Variants in HSDL2 observed in about 807,000 individuals in gnomAD.
HSDL2 encodes the protein hydroxysteroid dehydrogenase-like protein 2.
In HSDL2, 27 loss-of-function variants were observed where a neutral mutation model predicts 46.3. That is an observed-to-expected ratio of 0.58 (90% CI 0.43 to 0.80). The LOEUF is 0.80. Among genes scored for constraint, HSDL2 ranks in the 30% least tolerant of loss-of-function variants. HSDL2 has a pLI of 0.00. For synonymous variants in HSDL2, 153 were observed against 163.6 expected, an observed-to-expected ratio of 0.94 and a Z score of 0.50; for missense variants, 451 against 502.7, an observed-to-expected ratio of 0.90 and a Z score of 0.98.
intron 8 of HSDL2, among the ~76,000 whole-genome samples, chr9:112,447,530 C>G (rs1288043179): frequency 2.0e-5 from 3 of 152,190 alleles, no homozygotes; most frequent in Non-Finnish European, 4.4e-5. Context: ...ATGTGACAGA[C>G]TCAGTTCTCT....
chr9:112,435,188 T>C (rs1832496347), intron 6 of HSDL2, among the ~76,000 whole-genome samples: 4 of 152,054 alleles, frequency 2.6e-5, no homozygotes, highest in Admixed American at 2.6e-4. Context: ...ATTGTTAAAG[T>C]AATGATAGGT....
At chr9:112,436,203 C>A (rs1167801471) in intron 6 of HSDL2, among the ~76,000 whole-genome samples, 1 of 139,964 alleles carries the variant, frequency 7.1e-6, no homozygotes, top group Non-Finnish European at 1.5e-5. Context: ...ATGATCTCAC[C>A]ACTGCCTTTG....
intron 10 of HSDL2, among the ~76,000 whole-genome samples, chr9:112,464,184 T>C (rs991535864): frequency 6.6e-6 from 1 of 151,556 alleles, no homozygotes; most frequent in Non-Finnish European, 1.5e-5. Flanking sequence ...CTGAATAACA[T>C]AGTGAGACCC....
intron 6 of HSDL2, among the ~76,000 whole-genome samples, chr9:112,429,124 C>T (rs1456969591): frequency 6.6e-6 from 1 of 152,166 alleles, no homozygotes; most frequent in East Asian, 1.9e-4. Context: ...ATCTTGAACT[C>T]CTGACCTTAG....
At chr9:112,388,231 G>A (rs1385517399) in intron 1 of HSDL2, among the ~76,000 whole-genome samples, 1 of 151,894 alleles carries the variant, frequency 6.6e-6, no homozygotes, top group Non-Finnish European at 1.5e-5. Flanking sequence ...GGGAGGCCGA[G>A]GCGGGCAGAT....
intron 8 of HSDL2, among the ~76,000 whole-genome samples, chr9:112,451,887 C>T (rs1234302040): frequency 3.3e-5 from 5 of 152,096 alleles, no homozygotes; most frequent in Non-Finnish European, 7.4e-5. Context: ...GTGGAGTGGG[C>T]TTCTGGGATA....
chr9:112,381,023 C>T (rs1252945880), intron 1 of HSDL2, among the ~76,000 whole-genome samples: 1 of 151,634 alleles, frequency 6.6e-6, no homozygotes, highest in East Asian at 1.9e-4. Flanking sequence ...TCCCTAAAAT[C>T]TAGTTCCCCA....
At chr9:112,382,941 CTTTT>C (rs56082014) in intron 1 of HSDL2, among the ~76,000 whole-genome samples, 2 of 138,246 alleles carry the variant, frequency 1.4e-5, no homozygotes, top group Non-Finnish European at 1.6e-5. Flanking sequence ...AAACCAAGAT[CTTTT>C]TTTTTTTTTT....
chr9:112,413,965 C>CT (rs1212456702), intron 4 of HSDL2: 5 of 221,566 alleles, frequency 2.3e-5, no homozygotes, highest in South Asian at 1.1e-4. Flanking sequence ...CAACTTAGAA[C>CT]TTTTTTTAAA....
At chr9:112,450,066 G>A (rs1832846036) in intron 8 of HSDL2, among the ~76,000 whole-genome samples, 1 of 151,908 alleles carries the variant, frequency 6.6e-6, no homozygotes, top group Admixed American at 6.6e-5. Context: ...CATAGCTTTG[G>A]CTACATCCAA....
At chr9:112,397,784 G>A (rs1484026750) in intron 1 of HSDL2, among the ~76,000 whole-genome samples, 1 of 152,158 alleles carries the variant, frequency 6.6e-6, no homozygotes, top group Non-Finnish European at 1.5e-5. Context: ...GAAGCAAAAT[G>A]ACCTCAGTAC....
chr9:112,398,481 G>C (rs1481213794), intron 1 of HSDL2, among the ~76,000 whole-genome samples: 23 of 151,978 alleles, frequency 1.5e-4, no homozygotes, highest in Admixed American at 1.3e-3. Context: ...AAGATCATTG[G>C]GGGTGACGTT....
intron 1 of HSDL2, among the ~76,000 whole-genome samples, chr9:112,394,900 G>A (rs912826785): frequency 6.6e-6 from 1 of 152,166 alleles, no homozygotes; most frequent in African/African-American, 2.4e-5. Flanking sequence ...ATTTCTGCAG[G>A]AGCATCCATC....
At chr9:112,462,680 G>A (rs1437431796) in intron 10 of HSDL2, among the ~76,000 whole-genome samples, 1 of 150,406 alleles carries the variant, frequency 6.6e-6, no homozygotes, top group Non-Finnish European at 1.5e-5. Context: ...AAAAACTTTT[G>A]TTAAAACAGT....
intron 8 of HSDL2, among the ~76,000 whole-genome samples, chr9:112,449,542 C>T (rs938088967): frequency 4.6e-5 from 7 of 151,918 alleles, no homozygotes; most frequent in Non-Finnish European, 7.4e-5. Context: ...AATAACAACT[C>T]GAGATATAAC....
At chr9:112,458,173 T>G (rs1833089089) in intron 9 of HSDL2, among the ~76,000 whole-genome samples, 1 of 152,126 alleles carries the variant, frequency 6.6e-6, no homozygotes, top group Non-Finnish European at 1.5e-5. Flanking sequence ...CTGTTCCCAT[T>G]GCCTGAAATA....
intron 1 of HSDL2, among the ~76,000 whole-genome samples, chr9:112,382,389 ATAGT>A (rs1831118912): frequency 6.6e-6 from 1 of 152,248 alleles, no homozygotes; most frequent in South Asian, 2.1e-4. Flanking sequence ...TAACCGCAAA[ATAGT>A]TAATGATGAA....
intron 1 of HSDL2, among the ~76,000 whole-genome samples, chr9:112,394,870 A>G (rs972598781): frequency 6.6e-6 from 1 of 152,180 alleles, no homozygotes; most frequent in Admixed American, 6.5e-5. Flanking sequence ...CCAGGCATAT[A>G]TACACTATCG....
intron 4 of HSDL2, among the ~76,000 whole-genome samples, chr9:112,413,496 A>AAAAAAAG (rs1250602509): frequency 4.0e-5 from 2 of 49,452 alleles, no homozygotes; most frequent in Non-Finnish European, 8.9e-5. Context: ...AAAAAAAAAG[A>AAAAAAAG]AAAAAAAGAA....
Sources: allele counts gnomAD v4.1 joint callset (sites outside exome capture counted in the v4.1 genomes callset), GRCh38; gene constraint gnomAD v4.1.1; transcripts MANE v1.5; gene names NCBI Gene and HGNC (gene_info 2026-07-23, HGNC 2026-07-21).